Variants in TPO observed in about 807,000 individuals in gnomAD.
TPO encodes thyroid peroxidase, also known as thyroid microsomal antigen.
In TPO, 78 loss-of-function variants were observed where a neutral mutation model predicts 96.9. The ratio of observed to expected loss-of-function variants is 0.81; its 90% CI spans 0.67 to 0.97. The LOEUF (loss-of-function observed/expected upper bound fraction) is 0.97. Ranked by LOEUF, TPO falls within the 50% of genes least tolerant of loss-of-function variation. TPO has a pLI of 0.00. For synonymous variants in TPO, 547 were observed against 538.0 expected (o/e 1.02, Z -0.23); for missense variants, 1,252 against 1,274.8 (o/e 0.98, Z 0.27).
chr2:1,503,926 T>C, intron 13 of TPO, 22 bp from the exon 14 acceptor site: 1 of 1,614,138 alleles, frequency 6.2e-7, no homozygotes, highest in Non-Finnish European at 8.5e-7. Flanking sequence ...CTCTCACGTG[T>C]GTGGCCTTGT....
chr2:1,399,275 C>T (rs561818356), intron 1 of TPO, among the ~76,000 whole-genome samples: 3 of 152,336 alleles, frequency 2.0e-5, no homozygotes, highest in South Asian at 2.1e-4. Flanking sequence ...GCATTTTCTG[C>T]GCGGAGCTTC....
rs1661702232 is a variant in TPO at position 1,375,092 on chromosome 2, T to C, written n.180+690T>C. On this transcript the variant is annotated intron_variant and non_coding_transcript_variant, in intron 1 of 5. Coordinates refer to the TPO transcript ENST00000497517. ...AACTGAAAATGTTGATTAAAGAGTT[T>C]TTAATTTTTTTTTAAGTTTTTAAAA... is the stretch of plus-strand genomic sequence containing the variant. Among the ~76,000 whole-genome samples, 3 of 144,688 alleles carry C rather than the reference T, an allele frequency of 2.1e-5. No individual in the cohort carries two copies. In the South Asian group the frequency reaches 6.6e-4, roughly 32 times the overall value. 94.9% of individuals were successfully genotyped at this position (144,688 alleles called of 152,430 possible). A position where few individuals can be genotyped will look rare whatever the true frequency, so the allele number is the denominator to read the frequency against.
At chr2:1,530,346 C>G (rs1441640591) in intron 15 of TPO, among the ~76,000 whole-genome samples, 3 of 143,136 alleles carry the variant, frequency 2.1e-5, no homozygotes, top group Non-Finnish European at 4.6e-5. Context: ...CAAATCCCCC[C>G]AAGTGTGTGC....
intron 14 of TPO, among the ~76,000 whole-genome samples, chr2:1,505,220 C>T (rs1036802555): frequency 6.6e-6 from 1 of 152,098 alleles, no homozygotes; most frequent in Non-Finnish European, 1.5e-5. Flanking sequence ...GCACGTCCCC[C>T]ACTCCTGTGT....
At chr2:1,435,394 C>A (rs1329762341) in intron 4 of TPO, among the ~76,000 whole-genome samples, 1 of 152,194 alleles carries the variant, frequency 6.6e-6, no homozygotes, top group Non-Finnish European at 1.5e-5. Flanking sequence ...CCCATAGAGC[C>A]ATTCCCGTTG....
At chr2:1,376,772 A>G (rs559044145) in intron 1 of TPO, among the ~76,000 whole-genome samples, 1 of 152,348 alleles carries the variant, frequency 6.6e-6, no homozygotes, top group East Asian at 1.9e-4. Context: ...ACAAAAAGTA[A>G]TATTCTTTAA....
upstream of TPO, among the ~76,000 whole-genome samples, chr2:1,410,780 A>T (rs1662320799): frequency 6.6e-6 from 1 of 151,876 alleles, no homozygotes; most frequent in Admixed American, 6.5e-5. Context: ...TTACTGTATC[A>T]TGCGTTCCTT....
intron 5 of TPO, among the ~76,000 whole-genome samples, chr2:1,437,299 C>G (rs1665674474): frequency 6.6e-6 from 1 of 152,122 alleles, no homozygotes; most frequent in African/African-American, 2.4e-5. Context: ...CGGTGGTCAC[C>G]TAGAAGCTTT....
At chr2:1,496,346 G>C in intron 12 of TPO, 149 bp downstream of exon 12, 2 of 1,001,668 alleles carry the variant, frequency 2.0e-6, no homozygotes, top group East Asian at 5.2e-5. Context: ...CTCCTGGGGC[G>C]GGGCGGGGCG....
intron 15 of TPO, among the ~76,000 whole-genome samples, chr2:1,534,085 G>A (rs568171813): frequency 1.0e-4 from 8 of 77,484 alleles, no homozygotes; most frequent in African/African-American, 3.9e-4. Flanking sequence ...CCACCACTCT[G>A]TGCAACCTCC....
At chr2:1,448,633 C>T (rs1030369277) in intron 5 of TPO, among the ~76,000 whole-genome samples, 2 of 152,202 alleles carry the variant, frequency 1.3e-5, no homozygotes, top group Non-Finnish European at 2.9e-5. Context: ...TGGCATTGAC[C>T]ACAGAATGTC....
At chr2:1,532,142 CCTCA>C (rs1398268544) in intron 15 of TPO, among the ~76,000 whole-genome samples, 3 of 131,164 alleles carry the variant, frequency 2.3e-5, no homozygotes, top group African/African-American at 5.8e-5. Flanking sequence ...CCTCTAATCC[CCTCA>C]CTGTGTGCAA....
chr2:1,534,401 TCCCCAAATCCGCCCCCACCCTGTGCAG>T, intron 15 of TPO, among the ~76,000 whole-genome samples: 1 of 132,354 alleles, frequency 7.6e-6, no homozygotes, highest in Non-Finnish European at 1.6e-5. Flanking sequence ...GTGTGCAACC[TCCCCAAATCCGCCCCCACCCTGTGCAG>T]CCTCACAAAA....
At chr2:1,389,458 T>A (rs1285131935) in intron 1 of TPO, among the ~76,000 whole-genome samples, 1 of 152,230 alleles carries the variant, frequency 6.6e-6, no homozygotes, top group East Asian at 1.9e-4. Flanking sequence ...CTCATCCATG[T>A]GTCTGTGCTT....
intron 15 of TPO, among the ~76,000 whole-genome samples, chr2:1,538,443 G>C (rs1432572711): frequency 2.0e-5 from 3 of 152,126 alleles, no homozygotes; most frequent in Non-Finnish European, 2.9e-5. Context: ...GATTGTTTTT[G>C]ATGCTTTTAT....
intron 15 of TPO, among the ~76,000 whole-genome samples, chr2:1,527,414 C>T (rs1676845261): frequency 1.4e-5 from 2 of 143,596 alleles, no homozygotes; most frequent in South Asian, 4.9e-4. Context: ...TGTGCAACCT[C>T]CTCAAATCCT....
upstream of TPO, among the ~76,000 whole-genome samples, chr2:1,409,344 G>C (rs970441226): frequency 1.3e-5 from 2 of 152,284 alleles, no homozygotes; most frequent in East Asian, 3.9e-4. Context: ...AGTTTTATCT[G>C]ACTCATATAA....
intron 1 of TPO, among the ~76,000 whole-genome samples, chr2:1,402,385 T>A (rs926148560): frequency 3.3e-5 from 5 of 152,098 alleles, no homozygotes; most frequent in African/African-American, 7.2e-5. Flanking sequence ...CCGAAGGACC[T>A]GCTTAGGAAG....
intron 8 of TPO, 48 bp from the exon 9 acceptor site, chr2:1,484,548 T>G (rs1670943335): frequency 6.2e-7 from 1 of 1,613,116 alleles, no homozygotes. Flanking sequence ...GAGGCGACCC[T>G]CCTCTGGTAT....
Sources: gnomAD v4.1 joint callset for allele counts (sites outside exome capture counted in the v4.1 genomes callset) on GRCh38, gnomAD v4.1.1 for gene constraint, MANE v1.5 for transcripts, NCBI Gene and HGNC (gene_info 2026-07-23, HGNC 2026-07-21) for gene names.